Variants in ARHGAP15 observed in about 807,000 individuals in gnomAD.
The protein encoded by ARHGAP15 is rho GTPase-activating protein 15.
Under a neutral mutation model 63.7 loss-of-function variants are expected in ARHGAP15, and 51 were observed. The observed-to-expected ratio is 0.80, with a 90% confidence interval of 0.64 to 1.01. The LOEUF is 1.01. Ranked by LOEUF, ARHGAP15 falls within the 50% of genes least tolerant of loss-of-function variation. The pLI, the probability that ARHGAP15 is intolerant of heterozygous loss-of-function variation, is 0.00. For missense variants in ARHGAP15, 560 were observed against 564.6 expected, an observed-to-expected ratio of 0.99 and a Z score of 0.08; for synonymous variants, 191 against 193.8, an observed-to-expected ratio of 0.99 and a Z score of 0.12.
At chr2:143,250,780 C>T (rs1435570755) in intron 6 of ARHGAP15, among the ~76,000 whole-genome samples, 180 bp downstream of exon 6, 1 of 151,894 alleles carries the variant, frequency 6.6e-6, no homozygotes, top group Non-Finnish European at 1.5e-5. Context: ...TTTTTTCTGG[C>T]GACTGGTTGC....
At chr2:143,221,684 C>T (rs1693003073) in intron 4 of ARHGAP15, among the ~76,000 whole-genome samples, 1 of 152,164 alleles carries the variant, frequency 6.6e-6, no homozygotes, top group Non-Finnish European at 1.5e-5. Context: ...TTTCTTCTCC[C>T]TCGGCATCTA....
At chr2:143,641,366 A>G (rs566490665) in intron 12 of ARHGAP15, 9 of 152,230 alleles carry the variant, frequency 5.9e-5, no homozygotes, top group East Asian at 1.9e-4. Flanking sequence ...TGTTCTTTCT[A>G]ATATCCACAA....
intron 8 of ARHGAP15, among the ~76,000 whole-genome samples, chr2:143,472,242 A>C (rs1448206114): frequency 6.6e-6 from 1 of 152,116 alleles, no homozygotes. Context: ...CATAAATTTT[A>C]AATTAAGGTG....
intron 13 of ARHGAP15, among the ~76,000 whole-genome samples, chr2:143,715,003 C>A (rs1322629680): frequency 6.6e-6 from 1 of 152,134 alleles, no homozygotes; most frequent in Non-Finnish European, 1.5e-5. Flanking sequence ...ATCTTTTCAG[C>A]AACGCCCCAC....
At chr2:143,638,628 G>C (rs1348147486) in intron 12 of ARHGAP15, among the ~76,000 whole-genome samples, 1 of 143,356 alleles carries the variant, frequency 7.0e-6, no homozygotes, top group Non-Finnish European at 1.5e-5. Flanking sequence ...ATGTGCACAT[G>C]TACCCTAAAA....
intron 6 of ARHGAP15, among the ~76,000 whole-genome samples, chr2:143,255,824 A>G (rs1680395392): frequency 6.6e-6 from 1 of 152,130 alleles, no homozygotes; most frequent in African/African-American, 2.4e-5. Flanking sequence ...TTCACTTTAG[A>G]GAATTAAAGT....
chr2:143,767,984 C>T lies in ARHGAP15; in HGVS notation c.1245-5C>T, dbSNP rs2072977344. The T allele has an allele frequency of 6.2e-7, 1 of 1,612,318 alleles. No individual in the cohort carries two copies. The highest frequency in any genetic ancestry group is 1.7e-5 in the Admixed American group (1 of 59,816). On this transcript the variant is annotated splice_region_variant and splice_polypyrimidine_tract_variant and intron_variant, in intron 13 of 13. Coordinates refer to ENST00000295095, the MANE Select transcript of ARHGAP15 (RefSeq NM_018460.4). ...GAAATTATTTTTTTTTCTCTCTCTC[C>T]ACAGGATAGTGGCCAAAGCCTCCAA...
At chr2:143,623,589 G>A (rs529404171) in intron 11 of ARHGAP15, among the ~76,000 whole-genome samples, 6 of 152,308 alleles carry the variant, frequency 3.9e-5, no homozygotes, top group Admixed American at 1.3e-4. Flanking sequence ...TTCTCACTCA[G>A]TATTCTCTTC....
At chr2:143,332,993 A>G (rs1315099088) in intron 6 of ARHGAP15, among the ~76,000 whole-genome samples, 1 of 150,610 alleles carries the variant, frequency 6.6e-6, no homozygotes, top group African/African-American at 2.4e-5. Flanking sequence ...AAAAAAAGCT[A>G]CCATTATATT....
intron 2 of ARHGAP15, among the ~76,000 whole-genome samples, chr2:143,199,776 G>A (rs1335557963): frequency 2.6e-5 from 4 of 151,990 alleles, no homozygotes; most frequent in African/African-American, 4.8e-5. Context: ...CCATATAGCC[G>A]TTTACACCAT....
chr2:143,144,748 C>A (rs2580859), intron 1 of ARHGAP15, among the ~76,000 whole-genome samples: 56,115 of 151,740 alleles, frequency 0.37, 10,829 homozygotes, highest in Middle Eastern at 0.57. Context: ...ATACCCCTAC[C>A]CCTCACCAGC....
At chr2:143,594,543 G>A (rs958794929) in intron 11 of ARHGAP15, among the ~76,000 whole-genome samples, 7 of 152,140 alleles carry the variant, frequency 4.6e-5, no homozygotes, top group Non-Finnish European at 8.8e-5. Context: ...GTAATATGAC[G>A]ATGTAGCTTG....
chr2:143,327,908 C>CA (rs201067319), intron 6 of ARHGAP15, among the ~76,000 whole-genome samples: 55,096 of 144,554 alleles, frequency 0.38, 10,778 homozygotes, highest in East Asian at 0.45. Context: ...ATTTACAAGA[C>CA]AAAAAAAAAA....
intron 12 of ARHGAP15, among the ~76,000 whole-genome samples, chr2:143,692,035 G>A (rs988310132): frequency 6.6e-6 from 1 of 152,226 alleles, no homozygotes; most frequent in East Asian, 1.9e-4. Context: ...GGTGACAGAA[G>A]TAGAGCAGGG....
intron 6 of ARHGAP15, among the ~76,000 whole-genome samples, chr2:143,375,025 CAATG>C (rs1045255283): frequency 5.3e-5 from 8 of 151,862 alleles, no homozygotes; most frequent in Admixed American, 4.6e-4. Flanking sequence ...TAAAATAAAA[CAATG>C]AAAAAATAAG....
intron 6 of ARHGAP15, among the ~76,000 whole-genome samples, chr2:143,395,094 A>T (rs1687701924): frequency 6.6e-6 from 1 of 152,184 alleles, no homozygotes; most frequent in Admixed American, 6.6e-5. Flanking sequence ...AAGCACATAG[A>T]TTATAAAACG....
At chr2:143,485,738 A>G (rs12478031) in intron 8 of ARHGAP15, among the ~76,000 whole-genome samples, 40,137 of 152,100 alleles carry the variant, frequency 0.26, 6,079 homozygotes, top group East Asian at 0.71. Flanking sequence ...TATCCTACAC[A>G]GAGGACAGGC....
chr2:143,629,683 T>C (rs1698987578), intron 12 of ARHGAP15, among the ~76,000 whole-genome samples: 2 of 152,086 alleles, frequency 1.3e-5, no homozygotes, highest in South Asian at 4.1e-4. Flanking sequence ...CCAAAGTTCC[T>C]GAAAAAGAGA....
At chr2:143,457,886 A>G (rs893443717) in intron 8 of ARHGAP15, among the ~76,000 whole-genome samples, 1 of 151,908 alleles carries the variant, frequency 6.6e-6, no homozygotes, top group Non-Finnish European at 1.5e-5. Flanking sequence ...ATAGTATTAA[A>G]TGTTTTTAAT....
Sources: gnomAD v4.1 joint callset for allele counts (sites outside exome capture counted in the v4.1 genomes callset) on GRCh38, gnomAD v4.1.1 for gene constraint, MANE v1.5 for transcripts, NCBI Gene and HGNC (gene_info 2026-07-23, HGNC 2026-07-21) for gene names.